The following OCRL variants were observed in gnomAD, a reference collection of about 807,000 sequenced individuals.
OCRL encodes OCRL inositol polyphosphate-5-phosphatase.
A neutral mutation model predicts 78.9 loss-of-function variants in OCRL; 8 were observed. That is an observed-to-expected ratio of 0.10 (90% confidence interval 0.06 to 0.18). The LOEUF (loss-of-function observed/expected upper bound fraction) is 0.18. OCRL is among the 10% of genes least tolerant of loss of function. The pLI is 1.00. For synonymous variants in OCRL, 240 were observed against 235.4 expected (o/e 1.02, Z -0.18); for missense variants, 454 against 696.7 (o/e 0.65, Z 3.92).
At chrX:129,544,420 G>A (rs1935850102) in intron 2 of OCRL, among the ~76,000 whole-genome samples, 1 of 111,375 alleles carries the variant, frequency 9.0e-6, no homozygotes, top group African/African-American at 3.3e-5. Flanking sequence ...AATCCAGCTG[G>A]CTGAGCACCC....
chrX:129,554,058 G>A (rs1333656478), intron 4 of OCRL, among the ~76,000 whole-genome samples: 1 of 109,745 alleles, frequency 9.1e-6, no homozygotes, highest in African/African-American at 3.3e-5. Context: ...TGTAATGATG[G>A]CATCTGTTTG....
intron 5 of OCRL, 109 bp downstream of exon 5, chrX:129,557,544 C>T: frequency 2.8e-6 from 2 of 704,245 alleles, no homozygotes; most frequent in Non-Finnish European, 4.4e-6. Context: ...CCCTTTAAGC[C>T]CTGATAGCTG....
At chrX:129,555,311 C>T (rs1435840056) in intron 4 of OCRL, among the ~76,000 whole-genome samples, 1 of 110,410 alleles carries the variant, frequency 9.1e-6, no homozygotes, top group Admixed American at 9.7e-5. Flanking sequence ...CCGATCTCTA[C>T]TAAATATACA....
Position 129,547,470 on chromosome X carries a change from A to G in OCRL, c.200-1093A>G, listed in dbSNP as rs762872532. On this transcript the variant is annotated intron_variant, in intron 3 of 23. Transcript: ENST00000371113. ...AACCTGGGAGGCGGAGCTTGCAGTG[A>G]GCCGAGATCGTGCCACTGCACTCCA... is the stretch of plus-strand genomic sequence containing the variant. Among the ~76,000 whole-genome samples, 938 of 100,875 alleles carry G rather than the reference A, an allele frequency of 9.3e-3. 4 individuals carry two copies. The highest frequency in any genetic ancestry group is 0.013 in the Non-Finnish European group (680 of 50,514). The allele number at this position is 100,875 out of a possible 115,157, so 87.6% of individuals were successfully genotyped here. A position where few individuals can be genotyped will look rare whatever the true frequency, so the allele number is the denominator to read the frequency against.
chrX:129,589,529 G>A lies in OCRL; in HGVS notation c.2470-316G>A, dbSNP rs767245203. 477 of 332,220 alleles carry A rather than the reference G, an allele frequency of 1.4e-3. 4 individuals carry two copies. The highest frequency in any genetic ancestry group is 3.0e-4 in the Non-Finnish European group (57 of 186,973). The allele number at this position is 332,220 out of a possible 1,213,427, so 27.4% of individuals were successfully genotyped here. On this transcript the variant is annotated intron_variant, in intron 22 of 23. Coordinates refer to ENST00000371113, the MANE Select transcript of OCRL (RefSeq NM_000276.4). ...AAAACCATTCAGCTTGGTAGGTGCC[G>A]TGGCTACATGCCTACGGAAATGGGA...
chrX:129,565,802 T>C lies in OCRL; in HGVS notation c.1275T>C (p.Tyr425=), dbSNP rs778559574. The change falls in exon 13 of 24, where the codon TAT becomes TAC. Residue 425 remains tyrosine (Y), a synonymous_variant. Coordinates refer to ENST00000371113, the MANE Select transcript of OCRL (RefSeq NM_000276.4). ...EVVIWLGDLN[Y]RLCMPDANEV... is the part of the protein sequence containing the mutation. Reference sequence around the variant, plus strand: ...TCATTTGGTTGGGAGATTTGAATTATAGACTTTGCATGCCTGATGCCAATG... The same window carrying C: ...TCATTTGGTTGGGAGATTTGAATTACAGACTTTGCATGCCTGATGCCAATG... 13 of 1,207,459 alleles carry C rather than the reference T, an allele frequency of 1.1e-5. No individual in the cohort carries two copies. Among genetic ancestry groups the C allele is most frequent in the East Asian group, 3.0e-5 (1 of 33,747 alleles).
chrX:129,556,902 A>G (rs1038004261), intron 4 of OCRL, among the ~76,000 whole-genome samples: 4 of 112,216 alleles, frequency 3.6e-5, no homozygotes, highest in Non-Finnish European at 7.5e-5. Flanking sequence ...CATGCTTCAG[A>G]TACTCTGACA....
At chrX:129,547,262 A>G (rs1156706206) in intron 3 of OCRL, among the ~76,000 whole-genome samples, 1 of 110,490 alleles carries the variant, frequency 9.1e-6, no homozygotes, top group East Asian at 2.8e-4. Flanking sequence ...GCGGTGGCTC[A>G]GGCCTGTAAT....
chrX:129,576,685 C>T, intron 18 of OCRL, 133 bp downstream of exon 18: 1 of 529,203 alleles, frequency 1.9e-6, no homozygotes, highest in South Asian at 2.7e-5. Flanking sequence ...AAGAATGTTA[C>T]TTTAGCACTG....
rs61752970 is a variant in OCRL, at chrX:129,540,745, C to T, written c.41C>T (p.Thr14Ile). ...GAGACCCTTGACTAGCGCCCGCATA[C>T]TGTCGAGGGTATGGAGATGAAGGGT... is the stretch of plus-strand genomic sequence containing the variant. ...PLPVGAQPLA[T>I]VEGMEMKGPL... Residue 14 changes from threonine to isoleucine, a missense_variant and splice_region_variant, in exon 2 of 24, where the codon ACT becomes ATT. Physicochemically the swap from Thr to Ile is moderately conservative, Grantham distance 89 (BLOSUM62 -1). Coordinates refer to ENST00000371113, the MANE Select transcript of OCRL (RefSeq NM_000276.4). The T allele has an allele frequency of 6.9e-3, 8,309 of 1,205,712 alleles. 23 individuals carry two copies. The highest frequency in any genetic ancestry group is 7.9e-3 in the Non-Finnish European group (7,014 of 891,830).
At chrX:129,564,434 C>T (rs1405512653) in intron 12 of OCRL, among the ~76,000 whole-genome samples, 17 of 110,664 alleles carry the variant, frequency 1.5e-4, no homozygotes, top group East Asian at 1.4e-3. Context: ...ATGTTTATCG[C>T]GGCACTATTC....
chrX:129,540,663 G>A, intron 1 of OCRL, 81 bp from the exon 2 acceptor site: 1 of 825,262 alleles, frequency 1.2e-6, no homozygotes, highest in Non-Finnish European at 1.8e-6. Context: ...GTGGGGGGGG[G>A]GTGGAAGACC....
intron 18 of OCRL, among the ~76,000 whole-genome samples, chrX:129,577,345 GTACT>G (rs1328607465): frequency 1.8e-5 from 2 of 112,009 alleles, no homozygotes; most frequent in African/African-American, 3.2e-5. Context: ...TATGAAGGAA[GTACT>G]TACTATCTTC....
intron 12 of OCRL, among the ~76,000 whole-genome samples, chrX:129,563,548 G>A (rs936146441): frequency 9.0e-6 from 1 of 111,153 alleles, no homozygotes; most frequent in Admixed American, 9.6e-5. Flanking sequence ...TGGTGTATAA[G>A]ACTGTATTAT....
chrX:129,566,190 C>T (rs776683587), intron 13 of OCRL, among the ~76,000 whole-genome samples: 1 of 112,108 alleles, frequency 8.9e-6, no homozygotes, highest in South Asian at 3.7e-4. Flanking sequence ...AATTGGGGAA[C>T]ACTTCCTGGA....
chrX:129,555,153 A>T (rs1447048235), intron 4 of OCRL, among the ~76,000 whole-genome samples: 2 of 108,980 alleles, frequency 1.8e-5, no homozygotes, highest in African/African-American at 6.7e-5. Flanking sequence ...ATTGTCCTGG[A>T]GTGGGGCCTG....
At chrX:129,564,842 G>A (rs957388229) in intron 12 of OCRL, among the ~76,000 whole-genome samples, 3 of 110,565 alleles carry the variant, frequency 2.7e-5, no homozygotes, top group Admixed American at 9.6e-5. Context: ...TGCACATTGT[G>A]CACATGTACC....
At position 129,587,213 on chromosome X, in the gene OCRL, C is replaced by A. The variant is rs142331678; in HGVS notation, c.2256+95C>A. 771 of 589,762 alleles carry A rather than the reference C, an allele frequency of 1.3e-3. 7 individuals carry two copies. The African/African-American group carries it at 0.015, about 12-fold the overall frequency. The allele number at this position is 589,762 out of a possible 1,213,427, so 48.6% of individuals were successfully genotyped here. On this transcript the variant is annotated intron_variant, in intron 20 of 23. Transcript: ENST00000371113. The stretch of plus-strand genomic sequence containing the variant: ...ACGTCAGCATAGCGCTTTTAACTTT[C>A]CCAAGCTACCTGCACACAGTGGCAC...
chrX:129,581,094 A>C (rs1936433246), intron 18 of OCRL, among the ~76,000 whole-genome samples: 1 of 112,150 alleles, frequency 8.9e-6, no homozygotes, highest in Non-Finnish European at 1.9e-5. Context: ...TGAACACCTG[A>C]CCTCAGGTGA....
Sources: allele counts gnomAD v4.1 joint callset (sites outside exome capture counted in the v4.1 genomes callset), GRCh38; gene constraint gnomAD v4.1.1; transcripts MANE v1.5; gene names NCBI Gene and HGNC (gene_info 2026-07-23, HGNC 2026-07-21).